Variants in PPP2R2B observed in about 807,000 individuals in gnomAD.
The protein encoded by PPP2R2B is protein phosphatase 2 regulatory subunit Bbeta.
In PPP2R2B, 5 loss-of-function variants were observed where a neutral mutation model predicts 46.0. The observed-to-expected ratio is 0.11, with a 90% CI of 0.06 to 0.23. The LOEUF (loss-of-function observed/expected upper bound fraction) is 0.23. PPP2R2B is among the 10% of genes least tolerant of loss of function. The probability of loss-of-function intolerance (pLI) is 1.00; values close to 1 mark genes in which losing one functional copy is unlikely to be tolerated. For synonymous variants in PPP2R2B, 215 were observed against 206.7 expected, an observed-to-expected ratio of 1.04 and a Z score of -0.34; for missense variants, 367 against 575.0, an observed-to-expected ratio of 0.64 and a Z score of 3.70.
At chr5:146,817,591 G>A (rs1485593767) in intron 2 of PPP2R2B, among the ~76,000 whole-genome samples, 1 of 152,074 alleles carries the variant, frequency 6.6e-6, no homozygotes, top group South Asian at 2.1e-4. Flanking sequence ...ATTTGAAAAG[G>A]CTCCAATTTG....
intron 1 of PPP2R2B, among the ~76,000 whole-genome samples, chr5:146,932,890 G>T (rs191160922): frequency 6.6e-6 from 1 of 152,168 alleles, no homozygotes. Flanking sequence ...ACTTCCTTGA[G>T]CAAGGGGGCA....
intron 1 of PPP2R2B, among the ~76,000 whole-genome samples, chr5:146,988,933 C>T (rs191359731): frequency 1.4e-4 from 22 of 151,902 alleles, no homozygotes; most frequent in Admixed American, 1.3e-3. Context: ...ATAACTGATG[C>T]CACAGAAATA....
chr5:147,032,227 G>C (rs1561588538), intron 1 of PPP2R2B, among the ~76,000 whole-genome samples: 1 of 152,094 alleles, frequency 6.6e-6, no homozygotes. Flanking sequence ...CCATCAAAAA[G>C]TGGGCTAAGG....
At chr5:146,911,537 G>A (rs756339662) in intron 1 of PPP2R2B, among the ~76,000 whole-genome samples, 1 of 152,182 alleles carries the variant, frequency 6.6e-6, no homozygotes, top group Non-Finnish European at 1.5e-5. Context: ...ACAGTAGCCT[G>A]CAATCAGTAG....
At chr5:146,643,711 A>C (rs1775382474) in intron 6 of PPP2R2B, among the ~76,000 whole-genome samples, 1 of 152,246 alleles carries the variant, frequency 6.6e-6, no homozygotes, top group Non-Finnish European at 1.5e-5. Flanking sequence ...CATGTAACCA[A>C]ATACCACCTG....
chr5:146,811,648 C>T (rs1351388762), intron 2 of PPP2R2B, among the ~76,000 whole-genome samples: 5 of 149,676 alleles, frequency 3.3e-5, no homozygotes, highest in Admixed American at 3.3e-4. Flanking sequence ...GCAACCTCCA[C>T]CTCCCGGGTT....
chr5:146,846,992 T>C (rs1760050230), intron 2 of PPP2R2B, among the ~76,000 whole-genome samples: 1 of 152,250 alleles, frequency 6.6e-6, no homozygotes, highest in Non-Finnish European at 1.5e-5. Context: ...TCATAAACTA[T>C]AATACATCAG....
chr5:146,897,798 T>C (rs1445261582), intron 1 of PPP2R2B, among the ~76,000 whole-genome samples: 17 of 131,444 alleles, frequency 1.3e-4, no homozygotes, highest in African/African-American at 4.6e-4. Context: ...AAGGAAAACA[T>C]AGAGAATAAG....
chr5:146,870,166 G>T (rs2151407976), intron 2 of PPP2R2B, among the ~76,000 whole-genome samples: 1 of 152,304 alleles, frequency 6.6e-6, no homozygotes, highest in Middle Eastern at 3.4e-3. Flanking sequence ...GCTTAGCAAG[G>T]ATTCATACCA....
chr5:147,030,094 A>T (rs1755711000), intron 1 of PPP2R2B, among the ~76,000 whole-genome samples: 2 of 152,210 alleles, frequency 1.3e-5, no homozygotes, highest in African/African-American at 4.8e-5. Context: ...GAAAGAATAA[A>T]CAACTTTACA....
intron 4 of PPP2R2B, 142 bp from the exon 5 acceptor site, chr5:146,691,382 C>T: frequency 1.6e-6 from 1 of 615,828 alleles, no homozygotes; most frequent in Non-Finnish European, 2.8e-6. Flanking sequence ...GTTTGGCGTG[C>T]ATAAATCCCA....
At chr5:146,877,396 C>T (rs993670004) in intron 2 of PPP2R2B, among the ~76,000 whole-genome samples, 1 of 152,206 alleles carries the variant, frequency 6.6e-6, no homozygotes, top group Non-Finnish European at 1.5e-5. Context: ...CGTTGCTCAC[C>T]CCACGTGTCA....
chr5:147,038,581 A>T (rs1390247136), intron 1 of PPP2R2B, among the ~76,000 whole-genome samples: 2 of 152,206 alleles, frequency 1.3e-5, no homozygotes, highest in African/African-American at 4.8e-5. Flanking sequence ...GGCAACAATG[A>T]TCAAGAAAAT....
chr5:146,864,980 A>G (rs1187897099), intron 2 of PPP2R2B, among the ~76,000 whole-genome samples: 1 of 152,210 alleles, frequency 6.6e-6, no homozygotes, highest in Non-Finnish European at 1.5e-5. Flanking sequence ...ATCTAGAAAC[A>G]TAATTGTTCA....
In PPP2R2B at chr5:146,878,693, G is replaced by A; in HGVS notation, c.-227C>T. 7.8e-7 allele frequency: 1 copy of A among 1,287,572 alleles called. No individual in the cohort carries two copies. The highest frequency in any genetic ancestry group is 1.0e-6 in the Non-Finnish European group (1 of 992,316). 79.8% of individuals were successfully genotyped at this position (1,287,572 alleles called of 1,614,324 possible). A position where few individuals can be genotyped will look rare whatever the true frequency, so the allele number is the denominator to read the frequency against. On this transcript the variant is annotated 5_prime_UTR_variant, in exon 1 of 10. Coordinates refer to ENST00000394411, the MANE Select transcript of PPP2R2B (RefSeq NM_181675.4). The surrounding 1 kb of genome is among the most constrained non-coding windows in gnomAD (Gnocchi z 4.5). ...GCAGGGCGCTGCAGCCGGCGCCAGC[G>A]CACTCACCCTCACACCCACACGCGC... is the stretch of plus-strand genomic sequence containing the variant.
chr5:146,903,998 T>C (rs1762922376), intron 1 of PPP2R2B, among the ~76,000 whole-genome samples: 1 of 152,072 alleles, frequency 6.6e-6, no homozygotes, highest in South Asian at 2.1e-4. Flanking sequence ...TGCTCCGGGG[T>C]TTCCTGGCTC....
intron 1 of PPP2R2B, among the ~76,000 whole-genome samples, chr5:146,938,218 A>T (rs1764215799): frequency 6.6e-6 from 1 of 152,178 alleles, no homozygotes; most frequent in Admixed American, 6.5e-5. Flanking sequence ...CACAATATAA[A>T]CTCACTATCT....
At chr5:146,600,501 T>C in intron 7 of PPP2R2B, 41 bp from the exon 8 acceptor site, 1 of 1,597,372 alleles carries the variant, frequency 6.3e-7, no homozygotes, top group Non-Finnish European at 8.6e-7. Flanking sequence ...TAGCAATCCT[T>C]ATCAACTGAC....
At chr5:146,641,815 T>A (rs1375813721) in intron 6 of PPP2R2B, among the ~76,000 whole-genome samples, 1 of 152,192 alleles carries the variant, frequency 6.6e-6, no homozygotes, top group African/African-American at 2.4e-5. Flanking sequence ...CCACGTATAA[T>A]CTTGAAAATG....
Sources: allele counts gnomAD v4.1 joint callset (sites outside exome capture counted in the v4.1 genomes callset), GRCh38; gene constraint gnomAD v4.1.1; non-coding constraint Gnocchi (gnomAD v3.1); transcripts MANE v1.5; gene names NCBI Gene and HGNC (gene_info 2026-07-23, HGNC 2026-07-21).